The following CDK14 variants were observed in gnomAD, a reference collection of about 807,000 sequenced individuals.
The protein encoded by CDK14 is cyclin dependent kinase 14, also known as cyclin-dependent kinase 14.
In CDK14, 34 loss-of-function variants were observed where a neutral mutation model predicts 60.7. The observed-to-expected ratio is 0.56, with a 90% CI of 0.43 to 0.75. The LOEUF is 0.75. Among genes scored for constraint, CDK14 ranks in the 30% least tolerant of loss-of-function variants. The pLI is 0.00. For missense variants in CDK14, 482 were observed against 564.1 expected (o/e 0.85, Z 1.47); for synonymous variants, 197 against 203.7 (o/e 0.97, Z 0.28).
intron 11 of CDK14, among the ~76,000 whole-genome samples, chr7:91,069,448 G>A (rs1798073621): frequency 6.6e-6 from 1 of 152,038 alleles, no homozygotes; most frequent in Admixed American, 6.5e-5. Flanking sequence ...GGCTGAGGTG[G>A]AAGGATCCCT....
At chr7:90,729,633 T>A (rs1802782245) in intron 3 of CDK14, among the ~76,000 whole-genome samples, 2 of 151,632 alleles carry the variant, frequency 1.3e-5, no homozygotes, top group Non-Finnish European at 2.9e-5. Flanking sequence ...CCTTTCCTGG[T>A]TCACCCTGGG....
At chr7:90,766,018 T>G (rs1204708735) in intron 4 of CDK14, among the ~76,000 whole-genome samples, 1 of 152,054 alleles carries the variant, frequency 6.6e-6, no homozygotes, top group African/African-American at 2.4e-5. Context: ...TATTGTCGGC[T>G]TCATCTCATT....
chr7:91,174,469 C>T (rs1208873919), intron 14 of CDK14, among the ~76,000 whole-genome samples: 2 of 151,892 alleles, frequency 1.3e-5, no homozygotes, highest in South Asian at 4.2e-4. Context: ...ATGACTTTGA[C>T]GAGCTGAGAG....
chr7:91,039,028 T>TA (rs1357156971), intron 10 of CDK14, among the ~76,000 whole-genome samples: 1 of 152,154 alleles, frequency 6.6e-6, no homozygotes, highest in Non-Finnish European at 1.5e-5. Flanking sequence ...CCAGATCACT[T>TA]AGAGTTGGCA....
intron 9 of CDK14, among the ~76,000 whole-genome samples, chr7:90,973,928 G>T (rs185402470): frequency 6.6e-4 from 100 of 152,170 alleles, no homozygotes; most frequent in African/African-American, 2.3e-3. Flanking sequence ...CAACCGGTCT[G>T]ACTAGAATTC....
Position 90,846,284 on chromosome 7 carries a change from C to G in CDK14, c.545-16891C>G, listed in dbSNP as rs538465057. On this transcript the variant is annotated intron_variant, in intron 5 of 14. Transcript: ENST00000380050. ...CACTTGGCTCCATTGGGAGTTCTCT[C>G]TCCTATTTCTCCATTGCTCTAATAT... is the stretch of plus-strand genomic sequence containing the variant. Among the ~76,000 whole-genome samples, 11 of 152,276 alleles carry G rather than the reference C, an allele frequency of 7.2e-5. No individual in the cohort carries two copies. The South Asian group carries it at 2.3e-3, about 32-fold the overall frequency.
rs368078918 is a variant in CDK14, at chr7:90,941,153, A to G, written c.827-14544A>G. 2.6e-5 allele frequency among the ~76,000 whole-genome samples: 4 copies of G among 152,338 alleles called. No individual in the cohort carries two copies. The East Asian group carries it at 5.8e-4, about 22-fold the overall frequency. ...GGAAAAATAACTTGTAACTTCAGTA[A>G]TCAAGGAGAAATTAGAGGATGGGTT... On this transcript the variant is annotated intron_variant, in intron 8 of 14. Coordinates refer to ENST00000380050, the MANE Select transcript of CDK14 (RefSeq NM_001287135.2).
intron 10 of CDK14, among the ~76,000 whole-genome samples, chr7:90,989,001 A>AGTGAGT (rs1554399201): frequency 6.7e-6 from 1 of 149,750 alleles, no homozygotes; most frequent in African/African-American, 2.5e-5. Context: ...TTTGTGTGTG[A>AGTGAGT]GTGTGTGTGT....
chr7:91,105,059 TGC>T (rs1799247834), intron 12 of CDK14, among the ~76,000 whole-genome samples: 1 of 152,188 alleles, frequency 6.6e-6, no homozygotes, highest in East Asian at 1.9e-4. Context: ...TCACCTAAAA[TGC>T]TGGATACAAT....
intron 2 of CDK14, among the ~76,000 whole-genome samples, chr7:90,663,321 T>A (rs1800901568): frequency 6.6e-6 from 1 of 152,244 alleles, no homozygotes; most frequent in South Asian, 2.1e-4. Flanking sequence ...TTTATTTATC[T>A]TGGATCACCC....
At chr7:90,740,890 A>G (rs745462469) in intron 3 of CDK14, among the ~76,000 whole-genome samples, 24 of 152,176 alleles carry the variant, frequency 1.6e-4, no homozygotes, top group Non-Finnish European at 3.1e-4. Flanking sequence ...ATTGAAATTC[A>G]GTGTATGGTC....
intron 2 of CDK14, among the ~76,000 whole-genome samples, chr7:90,613,293 T>C (rs1799580930): frequency 1.3e-5 from 2 of 152,166 alleles, no homozygotes; most frequent in East Asian, 3.9e-4. Flanking sequence ...CCTCTTTCCG[T>C]TGTGAGCACC....
intron 11 of CDK14, 23 bp from the exon 12 acceptor site, chr7:91,079,409 A>G (rs908721787): frequency 7.3e-6 from 11 of 1,501,000 alleles, no homozygotes; most frequent in Admixed American, 3.8e-5. Flanking sequence ...AAGATTGTTT[A>G]TCATTTTTCT....
intron 5 of CDK14, among the ~76,000 whole-genome samples, chr7:90,809,489 T>C (rs1213453538): frequency 3.3e-5 from 5 of 152,066 alleles, no homozygotes; most frequent in East Asian, 3.9e-4. Context: ...GAGGGAAATT[T>C]ATAGCACTAA....
intron 6 of CDK14, among the ~76,000 whole-genome samples, chr7:90,898,925 C>T (rs1792417443): frequency 6.6e-6 from 1 of 151,634 alleles, no homozygotes; most frequent in Admixed American, 6.6e-5. Context: ...TTTGCATTTG[C>T]ACTTGGAAAA....
At chr7:90,784,386 A>C (rs1302873068) in intron 4 of CDK14, among the ~76,000 whole-genome samples, 1 of 152,216 alleles carries the variant, frequency 6.6e-6, no homozygotes. Context: ...AATTTATTGC[A>C]TATTTCAAAA....
At chr7:90,641,901 G>A (rs1800346742) in intron 2 of CDK14, among the ~76,000 whole-genome samples, 1 of 152,140 alleles carries the variant, frequency 6.6e-6, no homozygotes, top group Admixed American at 6.5e-5. Flanking sequence ...GAAGGTGAAA[G>A]GCACATCTCA....
intron 10 of CDK14, among the ~76,000 whole-genome samples, chr7:91,001,542 G>T (rs1027670212): frequency 1.5e-4 from 23 of 152,226 alleles, no homozygotes; most frequent in African/African-American, 4.3e-4. Context: ...TTCAATAGTG[G>T]CTCCGTTTTT....
rs1802943029 is a variant in CDK14, at chr7:91,207,619, C to G, written c.*483C>G. The G allele has an allele frequency of 1.3e-5, 2 of 152,622 alleles. No homozygotes were observed. The highest frequency in any genetic ancestry group is 2.1e-4 in the South Asian group (1 of 4,828). 9.5% of individuals were successfully genotyped at this position (152,622 alleles called of 1,614,324 possible). On this transcript the variant is annotated 3_prime_UTR_variant, in exon 15 of 15. Transcript: ENST00000380050. ...TTGAGAGCAGTGCACATTTTGCAAC[C>G]ACTAGGAAGGAAATTTTCTGCTAAA... is the stretch of plus-strand genomic sequence containing the variant.
Sources: gnomAD v4.1 joint callset for allele counts (sites outside exome capture counted in the v4.1 genomes callset) on GRCh38, gnomAD v4.1.1 for gene constraint, MANE v1.5 for transcripts, NCBI Gene and HGNC (gene_info 2026-07-23, HGNC 2026-07-21) for gene names.